The following LRCH1 variants were observed in gnomAD, a reference collection of about 807,000 sequenced individuals.
The protein encoded by LRCH1 is leucine rich repeats and calponin homology domain containing 1, also known as leucine-rich repeat and calponin homology domain-containing protein 1.
Under a neutral mutation model 94.9 loss-of-function variants are expected in LRCH1, and 23 were observed. That is an observed-to-expected ratio of 0.24 (90% CI 0.17 to 0.34). The LOEUF is 0.34. Among genes scored for constraint, LRCH1 ranks in the 10% least tolerant of loss-of-function variants. LRCH1 has a pLI of 1.00. For missense variants in LRCH1, 790 were observed against 945.9 expected, an observed-to-expected ratio of 0.84 and a Z score of 2.16; for synonymous variants, 364 against 354.9, an observed-to-expected ratio of 1.03 and a Z score of -0.29.
At chr13:46,604,120 T>G (rs1227759396) in intron 1 of LRCH1, among the ~76,000 whole-genome samples, 1 of 152,206 alleles carries the variant, frequency 6.6e-6, no homozygotes, top group African/African-American at 2.4e-5. Flanking sequence ...GACACCCAGT[T>G]AAATGTGAAT....
chr13:46,578,809 T>C (rs1180367977), intron 1 of LRCH1, among the ~76,000 whole-genome samples: 2 of 151,222 alleles, frequency 1.3e-5, no homozygotes, highest in East Asian at 3.9e-4. Context: ...GCTTACATTG[T>C]GGGAGGGGGA....
intron 4 of LRCH1, 58 bp downstream of exon 4, chr13:46,681,904 G>A: frequency 1.8e-6 from 2 of 1,106,248 alleles, no homozygotes; most frequent in Non-Finnish European, 2.7e-6. Flanking sequence ...TTTATGTTTT[G>A]GGGGGTTTAC....
At chr13:46,666,568 A>G (rs760580849) in intron 2 of LRCH1, among the ~76,000 whole-genome samples, 55 of 152,220 alleles carry the variant, frequency 3.6e-4, no homozygotes, top group Non-Finnish European at 6.9e-4. Context: ...GGAATGTAGA[A>G]CTTTCTTGAA....
intron 1 of LRCH1, among the ~76,000 whole-genome samples, chr13:46,566,081 C>T (rs1566146166): frequency 6.6e-6 from 1 of 151,920 alleles, no homozygotes; most frequent in South Asian, 2.1e-4. Context: ...TGTCTTCAGT[C>T]TCTACGGAAG....
At chr13:46,713,795 T>TC (rs560966216) in intron 15 of LRCH1, among the ~76,000 whole-genome samples, 136 of 152,116 alleles carry the variant, frequency 8.9e-4, no homozygotes, top group African/African-American at 3.2e-3. Context: ...GGAATGGAGG[T>TC]GAGTCCAGGC....
chr13:46,614,099 C>T (rs2050777811), intron 1 of LRCH1, among the ~76,000 whole-genome samples: 1 of 75,708 alleles, frequency 1.3e-5, no homozygotes, highest in Admixed American at 1.5e-4. Context: ...CATCATTTCA[C>T]ATAGTTACCT....
Position 46,553,173 on chromosome 13 carries a change from G to T in LRCH1, c.-224G>T. 1 of 574,762 alleles carries T rather than the reference G, an allele frequency of 1.7e-6. No homozygotes were observed. The highest frequency in any genetic ancestry group is 3.3e-5 in the Admixed American group (1 of 30,306). 35.6% of individuals were successfully genotyped at this position (574,762 alleles called of 1,614,324 possible). On this transcript the variant is annotated 5_prime_UTR_variant, in exon 1 of 20. Coordinates refer to ENST00000389797, the MANE Select transcript of LRCH1 (RefSeq NM_001164211.2). ...TGCCGCCGCCGCCGCCGCCGCCGCA[G>T]TCCTTAGCTTCCCGGGGACAGGAAA...
intron 1 of LRCH1, among the ~76,000 whole-genome samples, chr13:46,582,011 G>T (rs1416804957): frequency 6.6e-6 from 1 of 152,022 alleles, no homozygotes; most frequent in Non-Finnish European, 1.5e-5. Flanking sequence ...TTAGCCGGGC[G>T]TGCTGGTGTG....
At chr13:46,611,505 T>C (rs1230433998) in intron 1 of LRCH1, among the ~76,000 whole-genome samples, 3 of 152,180 alleles carry the variant, frequency 2.0e-5, no homozygotes, top group Non-Finnish European at 4.4e-5. Flanking sequence ...GAATTGTAAA[T>C]TGTATTTAGT....
intron 1 of LRCH1, among the ~76,000 whole-genome samples, chr13:46,646,768 A>G (rs1009580270): frequency 6.6e-6 from 1 of 152,198 alleles, no homozygotes; most frequent in Admixed American, 6.5e-5. Flanking sequence ...TTAATGGTAT[A>G]TTAATACTTA....
chr13:46,556,076 CTT>C (rs2050062029), intron 1 of LRCH1, among the ~76,000 whole-genome samples: 2 of 152,256 alleles, frequency 1.3e-5, no homozygotes, highest in East Asian at 3.9e-4. Context: ...AAGAATGTCT[CTT>C]AAAATTAGAA....
intron 7 of LRCH1, among the ~76,000 whole-genome samples, chr13:46,691,314 G>A (rs1305004688): frequency 6.6e-6 from 1 of 152,212 alleles, no homozygotes; most frequent in Non-Finnish European, 1.5e-5. Context: ...AGCCCTCAGA[G>A]AGAACTAATC....
chr13:46,699,220 T>C (rs1871342193), intron 9 of LRCH1, 116 bp from the exon 10 acceptor site: 4 of 768,714 alleles, frequency 5.2e-6, no homozygotes, highest in Non-Finnish European at 9.0e-6. Context: ...GTTTGGCTTG[T>C]TTCCAGCTTT....
chr13:46,666,596 T>C (rs2051519348), intron 2 of LRCH1, among the ~76,000 whole-genome samples: 2 of 152,244 alleles, frequency 1.3e-5, no homozygotes, highest in African/African-American at 2.4e-5. Flanking sequence ...ATCTTTGTTC[T>C]CATTATCCCT....
chr13:46,694,901 C>T lies in LRCH1; in HGVS notation c.1129C>T (p.His377Tyr). The T allele has an allele frequency of 1.2e-6, 2 of 1,614,112 alleles. No individual in the cohort carries two copies. Among genetic ancestry groups the T allele is most frequent in the Non-Finnish European group, 1.7e-6 (2 of 1,179,976 alleles). The change falls in exon 9 of 20, where the codon CAT (histidine) becomes TAT (tyrosine). Residue 377 changes from histidine to tyrosine, a missense_variant. Transcript: ENST00000389797. ...HRLSPVKGEF[H>Y]QEFQPEPSLL... ...CTATATTTTCCTAATAGGGGAATTT[C>T]ATCAGGAATTTCAACCGGAGCCTTC... is the stretch of plus-strand genomic sequence containing the variant.
At chr13:46,696,160 C>G (rs1871168510) in intron 9 of LRCH1, among the ~76,000 whole-genome samples, 1 of 151,526 alleles carries the variant, frequency 6.6e-6, no homozygotes, top group South Asian at 2.1e-4. Context: ...CACTTCTTAC[C>G]CAATGCTGCA....
At chr13:46,628,425 C>T (rs2050976759) in intron 1 of LRCH1, among the ~76,000 whole-genome samples, 1 of 152,174 alleles carries the variant, frequency 6.6e-6, no homozygotes, top group Middle Eastern at 3.4e-3. Context: ...GTCACAAGGT[C>T]AGGAGTTCGA....
chr13:46,660,655 T>G (rs1322597768), intron 2 of LRCH1, among the ~76,000 whole-genome samples: 1 of 152,226 alleles, frequency 6.6e-6, no homozygotes, highest in Non-Finnish European at 1.5e-5. Flanking sequence ...CATGCTTTCC[T>G]GGTCACTTTT....
intron 2 of LRCH1, among the ~76,000 whole-genome samples, chr13:46,652,438 T>A (rs989211430): frequency 1.3e-5 from 2 of 152,142 alleles, no homozygotes; most frequent in African/African-American, 4.8e-5. Context: ...AGCAGGTTTT[T>A]AAGTAGCCTT....
Sources: gnomAD v4.1 joint callset for allele counts (sites outside exome capture counted in the v4.1 genomes callset) on GRCh38, gnomAD v4.1.1 for gene constraint, MANE v1.5 for transcripts, NCBI Gene and HGNC (gene_info 2026-07-23, HGNC 2026-07-21) for gene names.